Variants in CLNK observed in about 807,000 individuals in gnomAD.
CLNK encodes cytokine dependent hematopoietic cell linker.
CLNK carries 74 observed loss-of-function variants against 68.6 expected under a neutral mutation model. That is an observed-to-expected ratio of 1.08 (90% CI 0.89 to 1.31). The LOEUF is 1.31. Among genes scored for constraint, CLNK ranks in the 50% most tolerant of loss-of-function variants. The probability of loss-of-function intolerance (pLI) is 0.00; values close to 1 mark genes in which losing one functional copy is unlikely to be tolerated. For synonymous variants in CLNK, 198 were observed against 172.2 expected (o/e 1.15, Z -1.17); for missense variants, 553 against 515.3 (o/e 1.07, Z -0.71).
intron 2 of CLNK, among the ~76,000 whole-genome samples, chr4:10,662,251 C>G (rs1724223225): frequency 6.6e-6 from 1 of 152,152 alleles, no homozygotes; most frequent in Non-Finnish European, 1.5e-5. Flanking sequence ...CTATAGGTAG[C>G]AACTTAAACG....
intron 5 of CLNK, among the ~76,000 whole-genome samples, chr4:10,570,420 A>G (rs1720298595): frequency 6.6e-6 from 1 of 152,230 alleles, no homozygotes; most frequent in Non-Finnish European, 1.5e-5. Flanking sequence ...AGAGAGAAAG[A>G]GACATTTGTT....
chr4:10,717,469 G>A, the CLNK span, among the ~76,000 whole-genome samples: 27 of 152,298 alleles, frequency 1.8e-4, no homozygotes, highest in South Asian at 4.8e-3. Context: ...GGTTATGCAC[G>A]CCTGTAATTC....
At chr4:10,578,647 C>CACAATCTT (rs1188373203) in intron 4 of CLNK, among the ~76,000 whole-genome samples, 1 of 134,828 alleles carries the variant, frequency 7.4e-6, no homozygotes, top group East Asian at 2.3e-4. Context: ...AGTGCAGTGG[C>CACAATCTT]ACAATCTTGG....
intron 8 of CLNK, among the ~76,000 whole-genome samples, chr4:10,550,330 A>G (rs970853061): frequency 6.6e-6 from 1 of 152,014 alleles, no homozygotes; most frequent in Non-Finnish European, 1.5e-5. Context: ...TGTCTCTACT[A>G]AAAAATACAA....
chr4:10,731,224 G>T, the CLNK span, among the ~76,000 whole-genome samples: 1 of 152,106 alleles, frequency 6.6e-6, no homozygotes, highest in Non-Finnish European at 1.5e-5. Flanking sequence ...CCAGAAATTT[G>T]CACAATCATT....
chr4:10,525,320 C>G (rs987889609), intron 14 of CLNK, among the ~76,000 whole-genome samples: 10 of 152,320 alleles, frequency 6.6e-5, no homozygotes, highest in African/African-American at 2.4e-4. Context: ...CTGCCTCGGC[C>G]TCCCAAAGTG....
chr4:10,533,194 A>C (rs1314287517), intron 11 of CLNK, among the ~76,000 whole-genome samples: 1 of 152,150 alleles, frequency 6.6e-6, no homozygotes, highest in African/African-American at 2.4e-5. Context: ...GGAGGTGGAG[A>C]GATTGCTGTG....
intron 11 of CLNK, among the ~76,000 whole-genome samples, chr4:10,538,810 A>G (rs888772474): frequency 6.6e-6 from 1 of 152,188 alleles, no homozygotes; most frequent in South Asian, 2.1e-4. Context: ...TCAATTTGTT[A>G]TATTCTATGG....
the CLNK span, among the ~76,000 whole-genome samples, chr4:10,734,665 A>ACAT: frequency 6.6e-6 from 1 of 152,228 alleles, no homozygotes; most frequent in Non-Finnish European, 1.5e-5. Flanking sequence ...CTGGTATTTT[A>ACAT]CATCAGTGCT....
chr4:10,599,085 C>A (rs1388150700), intron 2 of CLNK, among the ~76,000 whole-genome samples: 1 of 152,228 alleles, frequency 6.6e-6, no homozygotes, highest in Non-Finnish European at 1.5e-5. Flanking sequence ...ACAGCACTTG[C>A]CTGAGTTTTA....
chr4:10,492,713 G>C (rs1006623777), intron 18 of CLNK, among the ~76,000 whole-genome samples: 5 of 152,138 alleles, frequency 3.3e-5, no homozygotes, highest in Admixed American at 6.5e-5. Context: ...ATGTGGGATG[G>C]GGGGAGGGGG....
intron 4 of CLNK, among the ~76,000 whole-genome samples, chr4:10,583,392 C>A (rs1427775935): frequency 6.6e-6 from 1 of 152,020 alleles, no homozygotes; most frequent in African/African-American, 2.4e-5. Context: ...GTTCAAGTGA[C>A]TGTCCTGCCT....
At chr4:10,555,322 G>C (rs538224174) in intron 8 of CLNK, among the ~76,000 whole-genome samples, 2 of 151,948 alleles carry the variant, frequency 1.3e-5, no homozygotes, top group Non-Finnish European at 1.5e-5. Flanking sequence ...TCACATCTAC[G>C]GCAAAGAGAA....
At chr4:10,536,869 A>G (rs1226606717) in intron 11 of CLNK, among the ~76,000 whole-genome samples, 2 of 152,250 alleles carry the variant, frequency 1.3e-5, no homozygotes, top group African/African-American at 4.8e-5. Flanking sequence ...ACAGTAACCC[A>G]ATAGACCTGT....
intron 2 of CLNK, among the ~76,000 whole-genome samples, chr4:10,607,585 C>G (rs1261454599): frequency 6.6e-6 from 1 of 152,176 alleles, no homozygotes; most frequent in Non-Finnish European, 1.5e-5. Flanking sequence ...CTGTTTTTGT[C>G]TTGCCTGGCA....
chr4:10,588,012 T>G (rs989640992), intron 3 of CLNK, among the ~76,000 whole-genome samples: 1 of 152,190 alleles, frequency 6.6e-6, no homozygotes, highest in Non-Finnish European at 1.5e-5. Flanking sequence ...TCTTGACACT[T>G]TAGACATATG....
intron 16 of CLNK, among the ~76,000 whole-genome samples, chr4:10,512,362 C>T (rs1717625847): frequency 6.6e-6 from 1 of 151,950 alleles, no homozygotes; most frequent in South Asian, 2.1e-4. Context: ...TCCCAAGTAG[C>T]TGGGATTACA....
chr4:10,589,494 G>A (rs1449754862), intron 3 of CLNK, among the ~76,000 whole-genome samples: 1 of 152,098 alleles, frequency 6.6e-6, no homozygotes, highest in Admixed American at 6.5e-5. Flanking sequence ...GGGGCTCTCC[G>A]TGCGTCAATG....
chr4:10,529,797 G>T (rs192629303), intron 12 of CLNK, among the ~76,000 whole-genome samples: 4 of 152,238 alleles, frequency 2.6e-5, no homozygotes, highest in African/African-American at 7.2e-5. Context: ...CTATCTGGGG[G>T]AGCAGTTGTT....
Sources: allele counts gnomAD v4.1 joint callset (sites outside exome capture counted in the v4.1 genomes callset), GRCh38; gene constraint gnomAD v4.1.1; transcripts MANE v1.5; gene names NCBI Gene and HGNC (gene_info 2026-07-23, HGNC 2026-07-21).